Variants in ABR observed in about 807,000 individuals in gnomAD.
ABR encodes the protein active breakpoint cluster region-related protein.
Under a neutral mutation model 107.2 loss-of-function variants are expected in ABR, and 35 were observed. That is an observed-to-expected ratio of 0.33 (90% CI 0.25 to 0.43). The LOEUF (loss-of-function observed/expected upper bound fraction) is 0.43. Among genes scored for constraint, ABR ranks in the 20% least tolerant of loss-of-function variants. The pLI is 1.00. For missense variants in ABR, 815 were observed against 1,115.2 expected (o/e 0.73, Z 3.83); for synonymous variants, 498 against 462.0 (o/e 1.08, Z -1.00).
At chr17:1,167,462 G>A (rs1009275608) in intron 1 of ABR, among the ~76,000 whole-genome samples, 1 of 152,196 alleles carries the variant, frequency 6.6e-6, no homozygotes, top group Non-Finnish European at 1.5e-5. Context: ...TGCGGGGAAG[G>A]GAGAACCACC....
rs368081067 is a variant in ABR at position 1,011,822 on chromosome 17, C to T, written c.2101+24G>A. 5 of 1,554,156 alleles carry T rather than the reference C, an allele frequency of 3.2e-6. No homozygotes were observed. Among genetic ancestry groups the T allele is most frequent in the African/African-American group, 1.4e-5 (1 of 74,048 alleles). ...CCTGCTCAGACACAGCCACACCTGC[C>T]CCGGCTGGGCCTCCCAGACTCACTG... On this transcript the variant is annotated intron_variant, in intron 19 of 22. Coordinates refer to ENST00000302538, the MANE Select transcript of ABR (RefSeq NM_021962.5). This position sits in a 1 kb window ranked among gnomAD's most constrained non-coding sequence, Gnocchi z 4.8.
At position 1,073,767 on chromosome 17, in the gene ABR, T is replaced by A. The variant is rs1597683979; in HGVS notation, c.701-90A>T. The A allele has an allele frequency of 2.5e-6, 3 of 1,220,998 alleles. No individual in the cohort carries two copies. The East Asian group carries it at 7.7e-5, about 31-fold the overall frequency. The allele number at this position is 1,220,998 out of a possible 1,614,324, so 75.6% of individuals were successfully genotyped here. ...GACCAGCTTCGTCCCCCCACCCGCA[T>A]GCTTCCCACGTGAACACCCCTCGAG... On this transcript the variant is annotated intron_variant, in intron 6 of 22. Transcript: ENST00000302538.
intron 18 of ABR, chr17:1,012,462 C>T: frequency 2.9e-6 from 2 of 696,862 alleles, no homozygotes; most frequent in South Asian, 1.5e-5. Context: ...GATCTGGGAT[C>T]TCACAAGAGA....
rs2036143422 is a variant in ABR, at chr17:1,080,491, T to C, written c.640-1101A>G. 2.6e-5 allele frequency among the ~76,000 whole-genome samples: 4 copies of C among 152,006 alleles called. No homozygotes were observed. The South Asian group carries it at 8.3e-4, about 32-fold the overall frequency. On this transcript the variant is annotated intron_variant, in intron 5 of 22. Transcript: ENST00000302538. ...CTTGGCAGACGGAGCACACGGAGCCTCAAAGAGGGGTGTGGGAGGGAAGGC... is the reference window on the plus strand; with the variant it reads ...CTTGGCAGACGGAGCACACGGAGCCCCAAAGAGGGGTGTGGGAGGGAAGGC...
At chr17:1,013,438 C>T (rs921014196) in intron 16 of ABR, among the ~76,000 whole-genome samples, 2 of 149,766 alleles carry the variant, frequency 1.3e-5, no homozygotes, top group Admixed American at 6.6e-5. Context: ...AGGCAGGGCA[C>T]ACTCTGTTAC....
intron 1 of ABR, among the ~76,000 whole-genome samples, chr17:1,139,412 C>T (rs1367730957): frequency 1.3e-5 from 2 of 152,066 alleles, no homozygotes; most frequent in African/African-American, 2.4e-5. Flanking sequence ...CCATCATGCC[C>T]GGCTAATTTT....
rs1007173453 is a variant in ABR at position 1,011,744 on chromosome 17, T to G, written c.2101+102A>C. On this transcript the variant is annotated intron_variant, in intron 19 of 22. Coordinates refer to ENST00000302538, the MANE Select transcript of ABR (RefSeq NM_021962.5). The surrounding 1 kb of genome is among the most constrained non-coding windows in gnomAD (Gnocchi z 4.8). Reference sequence around the variant, plus strand: ...CGGGGACTCTGAAGCAGAGCAAGCCTCCTCTCCAGGGAGGCTCCTGGTTCC... The same window carrying G: ...CGGGGACTCTGAAGCAGAGCAAGCCGCCTCTCCAGGGAGGCTCCTGGTTCC... 8 of 1,421,166 alleles carry G rather than the reference T, an allele frequency of 5.6e-6. No homozygotes were observed. The East Asian group carries it at 1.4e-4, about 25-fold the overall frequency. 88.0% of individuals were successfully genotyped at this position (1,421,166 alleles called of 1,614,324 possible). A position where few individuals can be genotyped will look rare whatever the true frequency, so the allele number is the denominator to read the frequency against.
intron 10 of ABR, among the ~76,000 whole-genome samples, chr17:1,066,285 T>C (rs1216379518): frequency 1.3e-5 from 2 of 152,196 alleles, no homozygotes; most frequent in African/African-American, 2.4e-5. Flanking sequence ...TAGTGGCCTA[T>C]TATAGGATAA....
At chr17:1,075,077 C>T (rs931580389) in intron 6 of ABR, among the ~76,000 whole-genome samples, 1 of 152,244 alleles carries the variant, frequency 6.6e-6, no homozygotes, top group African/African-American at 2.4e-5. Context: ...GCAAGGCCAG[C>T]CCAGGCCCCC....
Position 1,035,703 on chromosome 17 carries a change from G to T in ABR, c.1791+14347C>A, listed in dbSNP as rs2073137982. On this transcript the variant is annotated intron_variant, in intron 16 of 22. Transcript: ENST00000302538. The stretch of plus-strand genomic sequence containing the variant: ...CCCGGCTGGATAAACAGAGCCTGGT[G>T]GTAAGGCCCCCACGAACAGATGTCA... 2.6e-5 allele frequency among the ~76,000 whole-genome samples: 3 copies of T among 116,290 alleles called. No homozygotes were observed. In the South Asian group the frequency reaches 9.5e-4, roughly 37 times the overall value. The allele number at this position is 116,290 out of a possible 152,430, so 76.3% of individuals were successfully genotyped here. A position where few individuals can be genotyped will look rare whatever the true frequency, so the allele number is the denominator to read the frequency against.
rs775032953 is a variant in ABR, at chr17:1,010,313, G to A, written c.2236+416C>T. On this transcript the variant is annotated intron_variant, in intron 20 of 22. Transcript: ENST00000302538. The surrounding 1 kb of genome is among the most constrained non-coding windows in gnomAD (Gnocchi z 4.1). ...GCTGGCCGGGGCCCTCCGCAGAGGT[G>A]ACGGGACGGTGTGTGGTCCCGCTGG... 1 of 233,328 alleles carries A rather than the reference G, an allele frequency of 4.3e-6. No individual in the cohort carries two copies. The highest frequency in any genetic ancestry group is 8.5e-6 in the Non-Finnish European group (1 of 117,284). The allele number at this position is 233,328 out of a possible 1,614,324, so 14.5% of individuals were successfully genotyped here.
At chr17:1,066,777 C>A (rs2034787242) in intron 10 of ABR, among the ~76,000 whole-genome samples, 1 of 152,158 alleles carries the variant, frequency 6.6e-6, no homozygotes, top group Non-Finnish European at 1.5e-5. Flanking sequence ...GATCCACCTG[C>A]CTCGGCCTTC....
intron 1 of ABR, among the ~76,000 whole-genome samples, chr17:1,156,827 C>G (rs1010546646): frequency 6.6e-6 from 1 of 152,260 alleles, no homozygotes; most frequent in South Asian, 2.1e-4. Flanking sequence ...TGCTCATAGT[C>G]ACGTAGTTAC....
intron 1 of ABR, among the ~76,000 whole-genome samples, chr17:1,140,523 C>A (rs1385756845): frequency 6.6e-6 from 1 of 152,174 alleles, no homozygotes; most frequent in East Asian, 1.9e-4. Context: ...GGCTCAGATA[C>A]AAAATCTACC....
At chr17:1,115,389 C>G (rs896851212) in intron 2 of ABR, 1 of 152,368 alleles carries the variant, frequency 6.6e-6, no homozygotes, top group Non-Finnish European at 1.5e-5. Flanking sequence ...TTGGCTTCTC[C>G]CTGGCTCTCC....
At chr17:1,053,385 A>G in intron 14 of ABR, among the ~76,000 whole-genome samples, 1 of 69,900 alleles carries the variant, frequency 1.4e-5, no homozygotes, top group African/African-American at 5.5e-5. Flanking sequence ...AGGGTTCCGG[A>G]ACGGGCTGGG....
chr17:1,108,805 G>T, intron 2 of ABR: 1 of 625,742 alleles, frequency 1.6e-6, no homozygotes, highest in Non-Finnish European at 2.2e-6. Context: ...CAGCTGCCGG[G>T]GCCGGGACCC....
At chr17:1,054,068 C>T (rs1383421219) in intron 14 of ABR, among the ~76,000 whole-genome samples, 1 of 152,198 alleles carries the variant, frequency 6.6e-6, no homozygotes, top group Non-Finnish European at 1.5e-5. Flanking sequence ...GATTCTGCTG[C>T]ACCACCTGCT....
intron 3 of ABR, among the ~76,000 whole-genome samples, chr17:1,094,108 G>A (rs1376518421): frequency 6.6e-6 from 1 of 151,790 alleles, no homozygotes; most frequent in Non-Finnish European, 1.5e-5. Context: ...TCTGCGTCCG[G>A]TCAGGCCTCT....
Sources: allele counts gnomAD v4.1 joint callset (sites outside exome capture counted in the v4.1 genomes callset), GRCh38; gene constraint gnomAD v4.1.1; non-coding constraint Gnocchi (gnomAD v3.1); transcripts MANE v1.5; gene names NCBI Gene and HGNC (gene_info 2026-07-23, HGNC 2026-07-21).